RBFOX1: variants seen among roughly 807,000 people sequenced by gnomAD.
RBFOX1 encodes the protein RNA binding protein fox-1 homolog 1.
RBFOX1 carries 8 observed loss-of-function variants against 57.7 expected under a neutral mutation model. The ratio of observed to expected loss-of-function variants is 0.14; its 90% confidence interval spans 0.08 to 0.25. The LOEUF is 0.25. Among genes scored for constraint, RBFOX1 ranks in the 10% least tolerant of loss-of-function variants. RBFOX1 has a pLI of 1.00. For missense variants in RBFOX1, 611 were observed against 548.5 expected, an observed-to-expected ratio of 1.11 and a Z score of -1.14; for synonymous variants, 326 against 222.4, an observed-to-expected ratio of 1.47 and a Z score of -4.15.
intron 4 of RBFOX1, among the ~76,000 whole-genome samples, chr16:5,890,993 A>T (rs1303818914): frequency 6.6e-6 from 1 of 152,186 alleles, no homozygotes; most frequent in Non-Finnish European, 1.5e-5. Flanking sequence ...ATGAACTGAG[A>T]TTATAGCTCA....
At chr16:5,391,324 C>G (rs1251098568) in intron 1 of RBFOX1, among the ~76,000 whole-genome samples, 3 of 133,152 alleles carry the variant, frequency 2.3e-5, no homozygotes, top group African/African-American at 8.7e-5. Context: ...TATGTTCCTC[C>G]TAGAGGCTTT....
At chr16:7,048,668 C>G (rs1371029603) in intron 3 of RBFOX1, among the ~76,000 whole-genome samples, 1 of 152,080 alleles carries the variant, frequency 6.6e-6, no homozygotes, top group African/African-American at 2.4e-5. Context: ...ATAACAGCTG[C>G]TTTAAAGTTT....
At chr16:5,502,858 C>T (rs1001247871) in intron 2 of RBFOX1, among the ~76,000 whole-genome samples, 1 of 152,162 alleles carries the variant, frequency 6.6e-6, no homozygotes, top group Admixed American at 6.5e-5. Flanking sequence ...GGCAGGGAGA[C>T]CAGAGCACAG....
At chr16:7,058,788 C>G (rs756849763) in intron 4 of RBFOX1, among the ~76,000 whole-genome samples, 4 of 151,988 alleles carry the variant, frequency 2.6e-5, no homozygotes, top group Non-Finnish European at 4.4e-5. Flanking sequence ...TACAAAGTTT[C>G]CTTGGCACAC....
intron 3 of RBFOX1, among the ~76,000 whole-genome samples, chr16:5,823,926 A>G (rs1024898723): frequency 6.6e-6 from 1 of 152,154 alleles, no homozygotes; most frequent in Non-Finnish European, 1.5e-5. Flanking sequence ...TGAATCCCAC[A>G]TCTCCCTGGT....
intron 3 of RBFOX1, among the ~76,000 whole-genome samples, chr16:6,890,681 C>T (rs148426108): frequency 3.4e-4 from 52 of 152,286 alleles, no homozygotes; most frequent in African/African-American, 1.3e-3. Flanking sequence ...TTGTCTGTCC[C>T]CAGTTTCCTG....
chr16:7,420,928 CAT>C lies in RBFOX1; in HGVS notation c.28-97209_28-97208del, dbSNP rs745471660. 9.9e-3 allele frequency among the ~76,000 whole-genome samples: 1,453 copies of C among 146,256 alleles called. 6 individuals are homozygous for C. The highest frequency in any genetic ancestry group is 0.016 in the Non-Finnish European group (1,059 of 66,998). On this transcript the variant is annotated intron_variant, in intron 4 of 15. Coordinates refer to ENST00000550418, the MANE Select transcript of RBFOX1 (RefSeq NM_018723.4). ...ATATATATACATATATATATATACA[CAT>C]ATATATATACACACACACACACACA...
chr16:7,224,208 A>T (rs1162911054), intron 4 of RBFOX1, among the ~76,000 whole-genome samples: 1 of 147,738 alleles, frequency 6.8e-6, no homozygotes, highest in Non-Finnish European at 1.5e-5. Flanking sequence ...TATAATGGGA[A>T]GAGTTCCATG....
intron 1 of RBFOX1, among the ~76,000 whole-genome samples, chr16:5,424,988 C>CTTG (rs2067498455): frequency 1.3e-5 from 1 of 75,276 alleles, no homozygotes; most frequent in East Asian, 3.8e-4. Flanking sequence ...CTTTTCTTTT[C>CTTG]TTTTCTTTTC....
At chr16:7,275,255 A>G (rs1443166921) in intron 4 of RBFOX1, among the ~76,000 whole-genome samples, 3 of 152,158 alleles carry the variant, frequency 2.0e-5, no homozygotes, top group Non-Finnish European at 4.4e-5. Context: ...TGCCATTGCT[A>G]TTTCCCATGT....
chr16:5,612,117 A>G (rs925277919), intron 3 of RBFOX1, among the ~76,000 whole-genome samples: 7 of 150,462 alleles, frequency 4.7e-5, no homozygotes, highest in Admixed American at 1.3e-4. Flanking sequence ...TCATTCATTC[A>G]TCTACTCTCC....
intron 2 of RBFOX1, among the ~76,000 whole-genome samples, chr16:5,476,632 A>G (rs184013771): frequency 6.6e-6 from 1 of 152,362 alleles, no homozygotes; most frequent in African/African-American, 2.4e-5. Context: ...TGTTTTGAGT[A>G]GTGTCTGGAA....
At chr16:5,851,749 A>T (rs1034068811) in intron 3 of RBFOX1, among the ~76,000 whole-genome samples, 1 of 152,178 alleles carries the variant, frequency 6.6e-6, no homozygotes, top group African/African-American at 2.4e-5. Context: ...AAAAAGAGTC[A>T]TTGTTCATGT....
intron 4 of RBFOX1, among the ~76,000 whole-genome samples, chr16:7,507,298 A>G (rs1363770209): frequency 1.3e-5 from 2 of 152,332 alleles, no homozygotes; most frequent in South Asian, 2.1e-4. Context: ...GAAACAATAT[A>G]AACTCTTAAC....
intron 2 of RBFOX1, among the ~76,000 whole-genome samples, chr16:6,505,145 G>T (rs2096057550): frequency 6.6e-6 from 1 of 152,222 alleles, no homozygotes; most frequent in Non-Finnish European, 1.5e-5. Context: ...CAGACTTGGG[G>T]GTTTCTGCCC....
rs74008505 is a variant in RBFOX1 at position 7,015,390 on chromosome 16, C to G, written c.-15-36667C>G. Among the ~76,000 whole-genome samples, 1,408 of 152,236 alleles carry G rather than the reference C, an allele frequency of 9.2e-3. 26 individuals are homozygous for G. Among genetic ancestry groups the G allele is most frequent in the African/African-American group, 0.032 (1,330 of 41,528 alleles). On this transcript the variant is annotated intron_variant, in intron 3 of 15. Transcript: ENST00000550418. The stretch of plus-strand genomic sequence containing the variant: ...AGAACCACCTCAGAGTTGGCAAAAA[C>G]AAAGAAACTTGAGCCGTATTATAGA...
chr16:6,505,755 C>G (rs778380166), intron 2 of RBFOX1, among the ~76,000 whole-genome samples: 5 of 152,226 alleles, frequency 3.3e-5, no homozygotes, highest in African/African-American at 4.8e-5. Context: ...GGAGAAATCA[C>G]ATACGTAAGA....
At chr16:6,772,428 GT>G (rs1242203117) in intron 3 of RBFOX1, among the ~76,000 whole-genome samples, 8 of 102,234 alleles carry the variant, frequency 7.8e-5, no homozygotes, top group Admixed American at 7.1e-4. Context: ...GCACGTGCGT[GT>G]GTGTGTGTGT....
At chr16:7,509,422 G>C (rs75806921) in intron 4 of RBFOX1, among the ~76,000 whole-genome samples, 2 of 139,532 alleles carry the variant, frequency 1.4e-5, no homozygotes, top group Admixed American at 7.0e-5. Flanking sequence ...GTGTGTGTGT[G>C]TGTGTGTGTC....
Sources: allele counts gnomAD v4.1 joint callset (sites outside exome capture counted in the v4.1 genomes callset), GRCh38; gene constraint gnomAD v4.1.1; transcripts MANE v1.5; gene names NCBI Gene and HGNC (gene_info 2026-07-23, HGNC 2026-07-21).